ADGRL3: variants seen among roughly 807,000 people sequenced by gnomAD.
The protein encoded by ADGRL3 is adhesion G protein-coupled receptor L3, also known as calcium-independent alpha-latrotoxin receptor 3.
In ADGRL3, 62 loss-of-function variants were observed where a neutral mutation model predicts 153.5. The observed-to-expected ratio is 0.40, with a 90% CI of 0.33 to 0.50. ADGRL3 has a LOEUF of 0.50. ADGRL3 is among the 20% of genes least tolerant of loss of function. The pLI, the probability that ADGRL3 is intolerant of heterozygous loss-of-function variation, is 0.47. For synonymous variants in ADGRL3, 710 were observed against 672.5 expected (o/e 1.06, Z -0.86); for missense variants, 1,641 against 1,859.4 (o/e 0.88, Z 2.16).
At chr4:61,518,688 T>C (rs1470809892) in intron 4 of ADGRL3, among the ~76,000 whole-genome samples, 1 of 152,228 alleles carries the variant, frequency 6.6e-6, no homozygotes, top group Non-Finnish European at 1.5e-5. Flanking sequence ...CAGATTGGCC[T>C]TTCTGCCTTG....
chr4:61,477,568 G>T (rs902349243), intron 2 of ADGRL3, among the ~76,000 whole-genome samples: 2 of 152,108 alleles, frequency 1.3e-5, no homozygotes, highest in African/African-American at 4.8e-5. Flanking sequence ...CAATTTCATT[G>T]TATATTTTCT....
At chr4:61,461,247 C>G (rs1466276188) in intron 2 of ADGRL3, among the ~76,000 whole-genome samples, 2 of 151,994 alleles carry the variant, frequency 1.3e-5, no homozygotes, top group Non-Finnish European at 2.9e-5. Flanking sequence ...ACACAGCAAA[C>G]CATACCAGTT....
At chr4:62,015,126 C>T (rs151214076) in intron 21 of ADGRL3, among the ~76,000 whole-genome samples, 19 of 152,222 alleles carry the variant, frequency 1.2e-4, no homozygotes, top group Non-Finnish European at 2.2e-4. Flanking sequence ...CATCTTGAGC[C>T]GCTCAGTCCT....
intron 1 of ADGRL3, among the ~76,000 whole-genome samples, chr4:61,304,106 G>A (rs1379535938): frequency 6.6e-6 from 1 of 152,208 alleles, no homozygotes; most frequent in Non-Finnish European, 1.5e-5. Context: ...TGTTGCTTGT[G>A]TAGCAGCTGC....
chr4:61,642,651 C>G (rs1239623921), intron 5 of ADGRL3, among the ~76,000 whole-genome samples: 3 of 152,114 alleles, frequency 2.0e-5, no homozygotes, highest in Non-Finnish European at 4.4e-5. Flanking sequence ...ATCTATATCT[C>G]TATTTTGGTA....
chr4:61,437,704 G>A (rs1013741707), intron 2 of ADGRL3, among the ~76,000 whole-genome samples: 1 of 152,018 alleles, frequency 6.6e-6, no homozygotes, highest in Non-Finnish European at 1.5e-5. Flanking sequence ...GATGTATACA[G>A]ATCAAAATCC....
At chr4:61,772,791 G>T (rs73823230) in intron 8 of ADGRL3, among the ~76,000 whole-genome samples, 5 of 152,058 alleles carry the variant, frequency 3.3e-5, no homozygotes, top group Non-Finnish European at 7.4e-5. Context: ...TCCTGCATTT[G>T]CCATTTCTCA....
intron 9 of ADGRL3, among the ~76,000 whole-genome samples, chr4:61,883,042 G>T (rs536388753): frequency 6.6e-6 from 1 of 152,312 alleles, no homozygotes. Flanking sequence ...CTTGAACCCA[G>T]GAGGCAGAAG....
chr4:62,000,267 A>T (rs1228472223), intron 21 of ADGRL3, among the ~76,000 whole-genome samples: 1 of 150,886 alleles, frequency 6.6e-6, no homozygotes, highest in African/African-American at 2.4e-5. Context: ...TTTTTAGGTA[A>T]TTTTTTTTTC....
At chr4:62,016,159 C>G (rs564165573) in intron 21 of ADGRL3, among the ~76,000 whole-genome samples, 1 of 152,134 alleles carries the variant, frequency 6.6e-6, no homozygotes, top group Admixed American at 6.5e-5. Flanking sequence ...AGCGATTCTC[C>G]TGCCTCAGCC....
At chr4:61,201,917 C>A (rs1410286749) in intron 1 of ADGRL3, among the ~76,000 whole-genome samples, 152 bp downstream of exon 1, 1 of 151,426 alleles carries the variant, frequency 6.6e-6, no homozygotes, top group Non-Finnish European at 1.5e-5. Flanking sequence ...ACACACTCAT[C>A]CGGTCGTGGT....
intron 1 of ADGRL3, among the ~76,000 whole-genome samples, chr4:61,348,595 G>A (rs1442680533): frequency 2.0e-5 from 3 of 151,894 alleles, no homozygotes; most frequent in African/African-American, 4.8e-5. Flanking sequence ...ATTTTTACAA[G>A]ACAGAATTAA....
chr4:61,543,131 C>A (rs1419524765), intron 4 of ADGRL3, among the ~76,000 whole-genome samples: 1 of 135,106 alleles, frequency 7.4e-6, no homozygotes, highest in Non-Finnish European at 1.6e-5. Flanking sequence ...GCAGAATTAT[C>A]CCTCCCCCCC....
chr4:61,831,054 A>AATTTTTGTATTTCTAGTAGAGACAGG (rs2097862355), intron 9 of ADGRL3, among the ~76,000 whole-genome samples: 2 of 150,526 alleles, frequency 1.3e-5, no homozygotes, highest in African/African-American at 4.9e-5. Flanking sequence ...ACACCCGGCT[A>AATTTTTGTATTTCTAGTAGAGACAGG]ATTTTTGTAT....
At chr4:61,963,231 T>G (rs899730084) in intron 17 of ADGRL3, among the ~76,000 whole-genome samples, 4 of 152,176 alleles carry the variant, frequency 2.6e-5, no homozygotes, top group African/African-American at 4.8e-5. Flanking sequence ...GAATTTATTT[T>G]TTTATTTTAC....
chr4:61,469,851 G>A (rs750478303), intron 2 of ADGRL3, among the ~76,000 whole-genome samples: 1 of 151,734 alleles, frequency 6.6e-6, no homozygotes, highest in South Asian at 2.1e-4. Context: ...AACTCTATAC[G>A]CATATGAAGT....
At chr4:61,340,009 C>A (rs2095771625) in intron 1 of ADGRL3, among the ~76,000 whole-genome samples, 1 of 152,202 alleles carries the variant, frequency 6.6e-6, no homozygotes, top group East Asian at 1.9e-4. Flanking sequence ...TCCTTGTTAA[C>A]TGGCCCTGGC....
chr4:61,726,344 A>G (rs767820109), intron 6 of ADGRL3, among the ~76,000 whole-genome samples: 1 of 151,508 alleles, frequency 6.6e-6, no homozygotes, highest in African/African-American at 2.4e-5. Context: ...GATTACAGTC[A>G]TGCATCACCC....
At chr4:61,488,576 A>C (rs2098223107) in intron 2 of ADGRL3, among the ~76,000 whole-genome samples, 1 of 151,322 alleles carries the variant, frequency 6.6e-6, no homozygotes, top group African/African-American at 2.4e-5. Flanking sequence ...TACCTGAACT[A>C]CTCTCCCTAC....
Sources: allele counts gnomAD v4.1 joint callset (sites outside exome capture counted in the v4.1 genomes callset), GRCh38; gene constraint gnomAD v4.1.1; transcripts MANE v1.5; gene names NCBI Gene and HGNC (gene_info 2026-07-23, HGNC 2026-07-21).